NCKAP5: variants seen among roughly 807,000 people sequenced by gnomAD.
NCKAP5 encodes NCK associated protein 5.
In NCKAP5, 92 loss-of-function variants were observed where a neutral mutation model predicts 167.0. The ratio of observed to expected loss-of-function variants is 0.55; its 90% CI spans 0.47 to 0.66. NCKAP5 has a LOEUF of 0.66. Ranked by LOEUF, NCKAP5 falls within the 30% of genes least tolerant of loss-of-function variation. NCKAP5 has a pLI of 0.00. For synonymous variants in NCKAP5, 891 were observed against 877.4 expected (o/e 1.02, Z -0.27); for missense variants, 2,378 against 2,315.0 (o/e 1.03, Z -0.56).
intron 11 of NCKAP5, among the ~76,000 whole-genome samples, chr2:132,837,742 G>A (rs1687997569): frequency 6.6e-6 from 1 of 152,294 alleles, no homozygotes; most frequent in East Asian, 1.9e-4. Context: ...TCAAAAAACT[G>A]ATGATTAGAA....
chr2:132,827,615 G>A (rs1687221465), intron 11 of NCKAP5, among the ~76,000 whole-genome samples: 1 of 152,114 alleles, frequency 6.6e-6, no homozygotes, highest in Non-Finnish European at 1.5e-5. Context: ...TGGTAGTAGA[G>A]GGATAAAATA....
the NCKAP5 span, among the ~76,000 whole-genome samples, chr2:133,668,980 G>A: frequency 1.3e-5 from 2 of 152,150 alleles, no homozygotes; most frequent in Admixed American, 1.3e-4. Flanking sequence ...AGTTTGCAGG[G>A]AGCTAGCAGA....
At chr2:133,066,561 T>A (rs1170225673) in intron 6 of NCKAP5, among the ~76,000 whole-genome samples, 1 of 152,182 alleles carries the variant, frequency 6.6e-6, no homozygotes, top group Non-Finnish European at 1.5e-5. Flanking sequence ...TCCTTCTCTC[T>A]CACAGAAGAA....
intron 6 of NCKAP5, among the ~76,000 whole-genome samples, chr2:133,035,240 C>A (rs2079005080): frequency 6.6e-6 from 1 of 151,786 alleles, no homozygotes; most frequent in Non-Finnish European, 1.5e-5. Context: ...TGCACACAAC[C>A]CTGGAGTACC....
chr2:132,905,952 G>A (rs1047100660), intron 8 of NCKAP5, among the ~76,000 whole-genome samples: 1 of 152,128 alleles, frequency 6.6e-6, no homozygotes, highest in African/African-American at 2.4e-5. Context: ...AAAACAATGT[G>A]AACTAAGTGT....
intron 3 of NCKAP5, among the ~76,000 whole-genome samples, chr2:133,438,652 T>C (rs1434168601): frequency 6.6e-6 from 1 of 152,150 alleles, no homozygotes; most frequent in African/African-American, 2.4e-5. Flanking sequence ...CAAAGACACA[T>C]AGGTTTGAGA....
chr2:133,535,606 T>C (rs1685700434), intron 2 of NCKAP5, among the ~76,000 whole-genome samples: 1 of 140,228 alleles, frequency 7.1e-6, no homozygotes, highest in African/African-American at 2.5e-5. Flanking sequence ...CTGTGAATAG[T>C]GCCAAAATAA....
intron 4 of NCKAP5, among the ~76,000 whole-genome samples, chr2:133,270,317 T>C (rs957128752): frequency 1.3e-5 from 2 of 152,158 alleles, no homozygotes; most frequent in African/African-American, 2.4e-5. Flanking sequence ...CTTAAAAAAA[T>C]TATTAAAAAA....
chr2:132,930,236 G>A (rs982628658), intron 8 of NCKAP5: 4 of 152,178 alleles, frequency 2.6e-5, no homozygotes, highest in African/African-American at 9.7e-5. Context: ...CCAAATCTAG[G>A]GGGAAGGACT....
At chr2:133,483,627 AGG>A (rs35250511) in intron 3 of NCKAP5, among the ~76,000 whole-genome samples, 32 of 140,758 alleles carry the variant, frequency 2.3e-4, no homozygotes, top group Admixed American at 1.3e-3. Context: ...GCAAAAAAAA[AGG>A]GGGGGGGGCT....
intron 16 of NCKAP5, among the ~76,000 whole-genome samples, chr2:132,768,116 C>T (rs1681680222): frequency 1.3e-5 from 2 of 152,182 alleles, no homozygotes; most frequent in African/African-American, 2.4e-5. Context: ...CTGGGAAGAT[C>T]GTTGTTTTCA....
chr2:133,274,218 A>G (rs1288057643), intron 4 of NCKAP5, among the ~76,000 whole-genome samples: 1 of 151,996 alleles, frequency 6.6e-6, no homozygotes, highest in Admixed American at 6.6e-5. Flanking sequence ...ACAATATACC[A>G]AAATGGATAG....
intron 6 of NCKAP5, among the ~76,000 whole-genome samples, chr2:133,060,427 A>G (rs1253774884): frequency 6.6e-6 from 1 of 152,220 alleles, no homozygotes; most frequent in African/African-American, 2.4e-5. Flanking sequence ...AGATATCAAC[A>G]AGTATAAACA....
chr2:133,248,783 T>C (rs1559314917), intron 4 of NCKAP5, among the ~76,000 whole-genome samples: 1 of 152,182 alleles, frequency 6.6e-6, no homozygotes, highest in Non-Finnish European at 1.5e-5. Flanking sequence ...TGTCTAACCC[T>C]TGACTGCTCC....
intron 4 of NCKAP5, among the ~76,000 whole-genome samples, chr2:133,287,343 C>A (rs186534072): frequency 3.3e-5 from 5 of 152,292 alleles, no homozygotes; most frequent in Admixed American, 2.0e-4. Context: ...GCAACTGACC[C>A]CATCCATATT....
chr2:133,524,925 T>C (rs981132502), intron 2 of NCKAP5, among the ~76,000 whole-genome samples: 2 of 152,120 alleles, frequency 1.3e-5, no homozygotes, highest in Non-Finnish European at 2.9e-5. Flanking sequence ...TGCATGTGTG[T>C]TCATGTGTGT....
At chr2:133,183,377 G>C (rs986102746) in intron 5 of NCKAP5, among the ~76,000 whole-genome samples, 1 of 151,960 alleles carries the variant, frequency 6.6e-6, no homozygotes, top group Non-Finnish European at 1.5e-5. Flanking sequence ...CTAAGAAACA[G>C]AATTCAGTAA....
At chr2:133,581,222 G>A in the NCKAP5 span, among the ~76,000 whole-genome samples, 1 of 152,198 alleles carries the variant, frequency 6.6e-6, no homozygotes, top group East Asian at 1.9e-4. Context: ...GGAAGGAAAT[G>A]TCTCAGATGC....
intron 8 of NCKAP5, among the ~76,000 whole-genome samples, chr2:132,954,180 T>C (rs530248080): frequency 6.6e-6 from 1 of 152,278 alleles, no homozygotes; most frequent in South Asian, 2.1e-4. Context: ...ACAAATAGAA[T>C]ACCTTGAAGG....
Sources: gnomAD v4.1 joint callset for allele counts (sites outside exome capture counted in the v4.1 genomes callset) on GRCh38, gnomAD v4.1.1 for gene constraint, MANE v1.5 for transcripts, NCBI Gene and HGNC (gene_info 2026-07-23, HGNC 2026-07-21) for gene names.